The following THOC2 variants were observed in gnomAD, a reference collection of about 807,000 sequenced individuals.
THOC2 encodes THO complex subunit 2, also known as THO complex 2.
A neutral mutation model predicts 128.4 loss-of-function variants in THOC2; 10 were observed. The ratio of observed to expected loss-of-function variants is 0.08; its 90% CI spans 0.05 to 0.13. THOC2 has a LOEUF of 0.13. Among genes scored for constraint, THOC2 ranks in the 10% least tolerant of loss-of-function variants. The pLI is 1.00. For synonymous variants in THOC2, 393 were observed against 396.9 expected, an observed-to-expected ratio of 0.99 and a Z score of 0.12; for missense variants, 535 against 1,155.7, an observed-to-expected ratio of 0.46 and a Z score of 7.79.
intron 12 of THOC2, among the ~76,000 whole-genome samples, chrX:123,657,138 A>G (rs1191401732): frequency 8.9e-6 from 1 of 112,026 alleles, no homozygotes; most frequent in Non-Finnish European, 1.9e-5. Context: ...TTGGGAGATA[A>G]CGCGGCTGAG....
intron 22 of THOC2, among the ~76,000 whole-genome samples, chrX:123,628,796 G>A (rs928675808): frequency 1.8e-5 from 2 of 110,457 alleles, no homozygotes; most frequent in Non-Finnish European, 3.8e-5. Context: ...TAAGTAGGGT[G>A]ACCAATTGTC....
intron 36 of THOC2, among the ~76,000 whole-genome samples, chrX:123,612,069 T>C (rs1365158066): frequency 1.8e-5 from 2 of 111,538 alleles, no homozygotes; most frequent in Non-Finnish European, 3.8e-5. Context: ...TGATACTTTG[T>C]TGGTAGAAAT....
intron 3 of THOC2, among the ~76,000 whole-genome samples, chrX:123,705,199 A>G (rs998931894): frequency 1.8e-5 from 2 of 112,218 alleles, no homozygotes; most frequent in Admixed American, 1.9e-4. Flanking sequence ...AAGTATCTAT[A>G]AAGACATCAT....
intron 12 of THOC2, among the ~76,000 whole-genome samples, chrX:123,655,032 C>T (rs1169054597): frequency 9.0e-6 from 1 of 110,695 alleles, no homozygotes; most frequent in African/African-American, 3.3e-5. Context: ...TTTCGTATCC[C>T]TGCCCCTTGA....
chrX:123,636,043 T>C (rs758697414), intron 19 of THOC2, 36 bp downstream of exon 19: 9 of 1,096,678 alleles, frequency 8.2e-6, no homozygotes, highest in South Asian at 1.9e-5. Context: ...AAAAGTACTC[T>C]ATTGAATTTC....
intron 24 of THOC2, 120 bp from the exon 25 acceptor site, chrX:123,626,189 T>C: frequency 1.9e-6 from 1 of 513,486 alleles, no homozygotes; most frequent in Non-Finnish European, 3.1e-6. Flanking sequence ...AAACTATTTA[T>C]AGTTTGTAAC....
intron 12 of THOC2, among the ~76,000 whole-genome samples, chrX:123,662,638 A>T (rs1457908419): frequency 1.8e-5 from 2 of 109,769 alleles, no homozygotes; most frequent in Non-Finnish European, 3.8e-5. Context: ...AAACGTTAAA[A>T]TTTTTTGCTG....
chrX:123,651,730 C>T (rs188281273), intron 12 of THOC2, among the ~76,000 whole-genome samples: 9 of 106,584 alleles, frequency 8.4e-5, no homozygotes, highest in Middle Eastern at 4.8e-3. Flanking sequence ...CATACGCCCC[C>T]CCCCCAAGAC....
At chrX:123,639,486 G>C (rs147925393) in intron 16 of THOC2, among the ~76,000 whole-genome samples, 2,467 of 111,648 alleles carry the variant, frequency 0.022, 63 homozygotes, top group African/African-American at 0.076. Context: ...TGTATCTCTT[G>C]GTACTTTTTT....
Position 123,621,279 on chromosome X carries a change from C to T in THOC2, c.4094G>A (p.Arg1365Lys). The part of the protein sequence containing the change: ...QEREREKEPS[R>K]ERDIAKEMKS... ...CATTTCCTTTGCTATATCTCTTTCT[C>T]TGGATGGCTCCTTCTCTCTTTCCCT... Residue 1365 changes from arginine (R) to lysine (K), a missense_variant, in exon 31 of 39, where the codon AGA (arginine) becomes AAA (lysine). Arg to Lys is a conservative substitution (Grantham distance 26). This residue lies in a region of THOC2 where 116 missense variants were observed against 180.0 expected (regional missense o/e 0.64). Coordinates refer to ENST00000245838, the MANE Select transcript of THOC2 (RefSeq NM_001081550.2). 8.3e-7 allele frequency: 1 copy of T among 1,211,356 alleles called. No homozygotes were observed. The highest frequency in any genetic ancestry group is 1.1e-6 in the Non-Finnish European group (1 of 895,346).
chrX:123,624,126 C>T lies in THOC2; in HGVS notation c.3252G>A (p.Lys1084=). 8.3e-7 allele frequency: 1 copy of T among 1,202,166 alleles called. No individual in the cohort carries two copies. The part of the protein sequence containing the change: ...LRATGFDGGN[K]ADQLDYENFR... ...AATTTTCATAGTCTAATTGATCAGC[C>T]TTATTTCCACCATCAAATCCAGTTG... The change falls in exon 27 of 39, where the codon AAG becomes AAA. Residue 1084 remains lysine (K), a synonymous_variant. Transcript: ENST00000245838.
chrX:123,650,991 T>A (rs2048330368), intron 12 of THOC2, among the ~76,000 whole-genome samples: 1 of 111,669 alleles, frequency 9.0e-6, no homozygotes. Flanking sequence ...CCACCTCAAA[T>A]CAACAGAATA....
intron 4 of THOC2, among the ~76,000 whole-genome samples, chrX:123,702,640 T>C (rs1259546019): frequency 2.8e-5 from 3 of 105,323 alleles, no homozygotes; most frequent in Non-Finnish European, 5.8e-5. Flanking sequence ...TATGTATATA[T>C]ATATTTTAGC....
intron 15 of THOC2, among the ~76,000 whole-genome samples, chrX:123,642,215 G>A (rs763778464): frequency 1.5e-3 from 169 of 111,460 alleles, no homozygotes; most frequent in Non-Finnish European, 2.6e-3. Context: ...CACAAGGTCA[G>A]GAGTTCGAGA....
intron 38 of THOC2, chrX:123,603,352 G>C: frequency 3.7e-6 from 1 of 273,490 alleles, no homozygotes; most frequent in Non-Finnish European, 6.4e-6. Context: ...AAAAGTATAG[G>C]AGTTCACACA....
intron 8 of THOC2, among the ~76,000 whole-genome samples, chrX:123,680,360 G>C (rs1167416419): frequency 9.0e-6 from 1 of 111,028 alleles, no homozygotes; most frequent in Admixed American, 9.5e-5. Flanking sequence ...ATGATGCAGA[G>C]ACCTTTGTTC....
intron 8 of THOC2, among the ~76,000 whole-genome samples, chrX:123,673,355 C>T (rs986330449): frequency 1.8e-5 from 2 of 111,965 alleles, no homozygotes; most frequent in Admixed American, 1.9e-4. Flanking sequence ...ATTTTAAAAA[C>T]ATGTAAAAAT....
At chrX:123,720,695 C>T (rs1018977805) in intron 1 of THOC2, among the ~76,000 whole-genome samples, 1 of 110,782 alleles carries the variant, frequency 9.0e-6, no homozygotes, top group Non-Finnish European at 1.9e-5. Context: ...ATAAAGAAAA[C>T]GTCATGTATA....
At chrX:123,675,810 T>C (rs2049467144) in intron 8 of THOC2, among the ~76,000 whole-genome samples, 1 of 112,211 alleles carries the variant, frequency 8.9e-6, no homozygotes, top group Non-Finnish European at 1.9e-5. Context: ...TTTGTAAAGT[T>C]TGTATTCTTC....
Sources: allele counts gnomAD v4.1 joint callset (sites outside exome capture counted in the v4.1 genomes callset), GRCh38; gene constraint gnomAD v4.1.1; regional missense constraint gnomAD v4.1.1; transcripts MANE v1.5; gene names NCBI Gene and HGNC (gene_info 2026-07-23, HGNC 2026-07-21).